The following FARP2 variants were observed in gnomAD, a reference collection of about 807,000 sequenced individuals.
FARP2 encodes the protein FERM, ARHGEF and pleckstrin domain-containing protein 2.
In FARP2, 111 loss-of-function variants were observed where a neutral mutation model predicts 130.5. The ratio of observed to expected loss-of-function variants is 0.85; its 90% CI spans 0.73 to 1.00. The LOEUF (loss-of-function observed/expected upper bound fraction) is 1.00, where lower values mean the gene tolerates loss of function less well. Ranked by LOEUF, FARP2 falls within the 50% of genes least tolerant of loss-of-function variation. The probability of loss-of-function intolerance (pLI) is 0.00; values close to 1 mark genes in which losing one functional copy is unlikely to be tolerated. For missense variants in FARP2, 1,385 were observed against 1,346.3 expected (o/e 1.03, Z -0.45); for synonymous variants, 504 against 516.9 (o/e 0.98, Z 0.34).
chr2:241,358,312 C>A (rs1478579114), intron 1 of FARP2, among the ~76,000 whole-genome samples: 1 of 152,200 alleles, frequency 6.6e-6, no homozygotes, highest in Non-Finnish European at 1.5e-5. Flanking sequence ...GAAAGTAGAA[C>A]AAGCTAACCC....
intron 2 of FARP2, among the ~76,000 whole-genome samples, chr2:241,376,510 C>T (rs914795444): frequency 1.7e-5 from 2 of 118,186 alleles, no homozygotes; most frequent in African/African-American, 6.4e-5. Flanking sequence ...GTAGGGCCTG[C>T]CCTGAGTGGG....
At position 241,468,165 on chromosome 2, in the gene FARP2, A is replaced by T; in HGVS notation, c.1919A>T (p.His640Leu). The T allele has an allele frequency of 6.2e-7, 1 of 1,613,844 alleles. No individual in the cohort carries two copies. The highest frequency in any genetic ancestry group is 1.3e-5 in the African/African-American group (1 of 75,072). The change falls in exon 18 of 27, where the codon CAT becomes CTT. Residue 640 changes from histidine (H) to leucine (L), a missense_variant. Physicochemically the swap from His to Leu is moderately conservative, Grantham distance 99. Coordinates refer to ENST00000264042, the MANE Select transcript of FARP2 (RefSeq NM_014808.4). ...LKEFTSYFQR[H>L]DEVLTELEKA... ...GAGTTTACCAGCTACTTCCAAAGACATGACGAGGTCCTAACAGAACTGGAA... is the reference window on the plus strand; with the variant it reads ...GAGTTTACCAGCTACTTCCAAAGACTTGACGAGGTCCTAACAGAACTGGAA...
chr2:241,363,429 C>G (rs938713593), intron 1 of FARP2, among the ~76,000 whole-genome samples: 1 of 152,242 alleles, frequency 6.6e-6, no homozygotes, highest in Admixed American at 6.5e-5. Flanking sequence ...TAATTAAAGC[C>G]GTAGGTTTCT....
At chr2:241,443,099 GC>G in intron 13 of FARP2, 1 of 261,420 alleles carries the variant, frequency 3.8e-6, no homozygotes. Flanking sequence ...AGACCCTAAG[GC>G]CCCCGTAGAC....
chr2:241,403,862 T>A lies in FARP2; in HGVS notation c.218T>A (p.Val73Glu), dbSNP rs1271252357. The change falls in exon 3 of 27, where the codon GTG becomes GAG. Residue 73 changes from valine (V) to glutamate (E), a missense_variant. By Grantham distance (121) the Val-to-Glu change is moderately radical (BLOSUM62 -2). Transcript: ENST00000264042. Reference sequence around the variant, plus strand: ...GATGGCCAGGTATTACTGACACAAGTGTGGAAGCGTTTAAACCTGGTAGAA... The same window carrying A: ...GATGGCCAGGTATTACTGACACAAGAGTGGAAGCGTTTAAACCTGGTAGAA... ...KCDGQVLLTQVWKRLNLVECD... is the reference protein window; with the variant it reads ...KCDGQVLLTQEWKRLNLVECD... 6.2e-7 allele frequency: 1 copy of A among 1,613,708 alleles called. No individual in the cohort carries two copies. Among genetic ancestry groups the A allele is most frequent in the Non-Finnish European group, 8.5e-7 (1 of 1,179,740 alleles).
At chr2:241,369,801 G>A (rs2061386766) in intron 1 of FARP2, among the ~76,000 whole-genome samples, 12 of 152,024 alleles carry the variant, frequency 7.9e-5, no homozygotes. Flanking sequence ...CACTGTTGGT[G>A]GTTCTATATT....
Position 241,377,884 on chromosome 2 carries a change from C to G in FARP2, c.183+4594C>G, listed in dbSNP as rs1320333667. Reference sequence around the variant, plus strand: ...GACAGAATACCTAGGAGTAGAATTGCTGGGTCACATGGGAAATCTAGGTCT... The same window carrying G: ...GACAGAATACCTAGGAGTAGAATTGGTGGGTCACATGGGAAATCTAGGTCT... On this transcript the variant is annotated intron_variant, in intron 2 of 26. Coordinates refer to ENST00000264042, the MANE Select transcript of FARP2 (RefSeq NM_014808.4). Among the ~76,000 whole-genome samples the G allele has an allele frequency of 2.0e-5, 3 of 152,102 alleles. No homozygotes were observed. The East Asian group carries it at 5.8e-4, about 29-fold the overall frequency.
At chr2:241,431,629 G>C in intron 8 of FARP2, 50 bp from the exon 9 acceptor site, 1 of 898,996 alleles carries the variant, frequency 1.1e-6, no homozygotes, top group East Asian at 2.5e-5. Flanking sequence ...TCATGAGAAA[G>C]GGGTTATGTG....
chr2:241,400,646 A>G (rs1426188157), intron 2 of FARP2, among the ~76,000 whole-genome samples: 1 of 152,188 alleles, frequency 6.6e-6, no homozygotes. Flanking sequence ...TAGCCTGGGC[A>G]TGTCATTATC....
intron 10 of FARP2, 55 bp from the exon 11 acceptor site, chr2:241,434,906 GA>G: frequency 9.4e-7 from 1 of 1,058,792 alleles, no homozygotes; most frequent in Non-Finnish European, 1.4e-6. Flanking sequence ...CTTTTACTCT[GA>G]AAAATTAATG....
At chr2:241,417,041 C>G (rs562531476) in intron 7 of FARP2, among the ~76,000 whole-genome samples, 17 of 152,284 alleles carry the variant, frequency 1.1e-4, no homozygotes, top group Admixed American at 3.3e-4. Context: ...TGGCTCTCGC[C>G]TGTAATCCCA....
intron 2 of FARP2, among the ~76,000 whole-genome samples, chr2:241,397,546 T>C (rs1314599236): frequency 6.6e-6 from 1 of 152,160 alleles, no homozygotes; most frequent in Non-Finnish European, 1.5e-5. Context: ...CTGTTCTGCG[T>C]GACCATTTTA....
At chr2:241,441,084 G>A (rs1261344224) in intron 12 of FARP2, among the ~76,000 whole-genome samples, 1 of 152,004 alleles carries the variant, frequency 6.6e-6, no homozygotes, top group African/African-American at 2.4e-5. Context: ...GAAAAAAATG[G>A]AATTGTAAGG....
chr2:241,414,627 G>A (rs191691563), intron 7 of FARP2, among the ~76,000 whole-genome samples: 11 of 152,152 alleles, frequency 7.2e-5, no homozygotes, highest in African/African-American at 9.7e-5. Context: ...TGTGGATTTC[G>A]TGCACCTCAC....
intron 13 of FARP2, among the ~76,000 whole-genome samples, chr2:241,447,626 G>A (rs559265864): frequency 2.6e-5 from 4 of 152,316 alleles, no homozygotes; most frequent in Admixed American, 6.5e-5. Flanking sequence ...TTACAGGGGA[G>A]GACGTGAACA....
rs1553723709 is a variant in FARP2, at chr2:241,437,670, A to ATTTATTTTT, written c.1158+1135_1158+1136insATTTTTTTT. Among the ~76,000 whole-genome samples the ATTTATTTTT allele has an allele frequency of 2.6e-3, 349 of 133,094 alleles. 3 individuals are homozygous for ATTTATTTTT. Among genetic ancestry groups the ATTTATTTTT allele is most frequent in the East Asian group, 0.016 (72 of 4,492 alleles). The allele number at this position is 133,094 out of a possible 152,430, so 87.3% of individuals were successfully genotyped here. The stretch of plus-strand genomic sequence containing the variant: ...TATATATTTATTTATTTATTTATTT[A>ATTTATTTTT]TTTTTTTTTTTTGAGACGGAGTCTT... On this transcript the variant is annotated intron_variant, in intron 12 of 26. Coordinates refer to ENST00000264042, the MANE Select transcript of FARP2 (RefSeq NM_014808.4).
At chr2:241,442,263 C>A in intron 13 of FARP2, 1 of 456,738 alleles carries the variant, frequency 2.2e-6, no homozygotes, top group Non-Finnish European at 4.4e-6. Flanking sequence ...ACTTCCCAGC[C>A]TACTCAGTCC....
chr2:241,466,320 C>T (rs564481417), intron 17 of FARP2: 2 of 985,418 alleles, frequency 2.0e-6, no homozygotes, highest in Non-Finnish European at 2.4e-6. Context: ...GGCCCTTGGC[C>T]AGCCACCCCT....
intron 12 of FARP2, among the ~76,000 whole-genome samples, chr2:241,438,772 G>C (rs1287596460): frequency 6.9e-6 from 1 of 144,402 alleles, no homozygotes; most frequent in Non-Finnish European, 1.5e-5. Flanking sequence ...TGGGACTACA[G>C]GTGCCCGCCA....
Sources: allele counts gnomAD v4.1 joint callset (sites outside exome capture counted in the v4.1 genomes callset), GRCh38; gene constraint gnomAD v4.1.1; transcripts MANE v1.5; gene names NCBI Gene and HGNC (gene_info 2026-07-23, HGNC 2026-07-21).